Variants in SINHCAF observed in about 807,000 individuals in gnomAD.
The protein encoded by SINHCAF is SIN3-HDAC complex-associated factor.
A neutral mutation model predicts 25.8 loss-of-function variants in SINHCAF; 3 were observed. That is an observed-to-expected ratio of 0.12 (90% CI 0.05 to 0.30). The LOEUF (loss-of-function observed/expected upper bound fraction) is 0.30, where lower values mean the gene tolerates loss of function less well. Among genes scored for constraint, SINHCAF ranks in the 10% least tolerant of loss-of-function variants. The pLI is 1.00. For synonymous variants in SINHCAF, 70 were observed against 85.5 expected (o/e 0.82, Z 1.00); for missense variants, 121 against 262.3 (o/e 0.46, Z 3.72).
At chr12:31,300,216 T>C (rs1938729168) in intron 1 of SINHCAF, among the ~76,000 whole-genome samples, 1 of 152,138 alleles carries the variant, frequency 6.6e-6, no homozygotes, top group South Asian at 2.1e-4. Flanking sequence ...TAGACAGAGG[T>C]TTTACAACTT....
intron 1 of SINHCAF, among the ~76,000 whole-genome samples, chr12:31,305,356 T>C (rs920975784): frequency 6.6e-5 from 10 of 152,210 alleles, no homozygotes; most frequent in African/African-American, 2.4e-4. Context: ...TTTCATGAGC[T>C]GGTGAACAAG....
At position 31,282,268 on chromosome 12, in the gene SINHCAF, A is replaced by T. The variant is rs1937835575; in HGVS notation, c.*444T>A. 6.5e-6 allele frequency: 1 copy of T among 152,988 alleles called. No individual in the cohort carries two copies. The highest frequency in any genetic ancestry group is 2.4e-5 in the African/African-American group (1 of 41,410). 9.5% of individuals were successfully genotyped at this position (152,988 alleles called of 1,614,324 possible). A position where few individuals can be genotyped will look rare whatever the true frequency, so the allele number is the denominator to read the frequency against. On this transcript the variant is annotated 3_prime_UTR_variant, in exon 6 of 6. Coordinates refer to ENST00000337682, the MANE Select transcript of SINHCAF (RefSeq NM_001135812.2). ...TCAGCTTTCCTATGAAATACTCAGC[A>T]TCTTAAATATTATATACAACTCTTT...
At chr12:31,297,467 ATTTTT>A (rs777087270) in intron 2 of SINHCAF, among the ~76,000 whole-genome samples, 1,253 of 103,390 alleles carry the variant, frequency 0.012, 10 homozygotes, top group East Asian at 0.041. Flanking sequence ...GTCAAGCGTA[ATTTTT>A]TTTTTTTTTT....
intron 1 of SINHCAF, among the ~76,000 whole-genome samples, chr12:31,312,368 G>C (rs1939307038): frequency 6.8e-6 from 1 of 147,620 alleles, no homozygotes; most frequent in Admixed American, 6.7e-5. Flanking sequence ...GTGTGTGTGT[G>C]TGTGTGAGTG....
chr12:31,306,034 A>G (rs1279052946), intron 1 of SINHCAF, among the ~76,000 whole-genome samples: 1 of 152,226 alleles, frequency 6.6e-6, no homozygotes, highest in East Asian at 1.9e-4. Context: ...CTGGGCAGTA[A>G]AATAAGTTCC....
chr12:31,324,470 G>T lies in SINHCAF; in HGVS notation c.-21+1554C>A. On this transcript the variant is annotated intron_variant, in intron 1 of 5. Transcript: ENST00000337682. The surrounding 1 kb of genome is among the most constrained non-coding windows in gnomAD (Gnocchi z 5.5). Reference sequence around the variant, plus strand: ...CACGCCCGGAGCGGGGAAGCACGCCGCCTCCCTACGCACCAGCATGGCACC... The same window carrying T: ...CACGCCCGGAGCGGGGAAGCACGCCTCCTCCCTACGCACCAGCATGGCACC... The T allele has an allele frequency of 6.2e-6, 1 of 160,102 alleles. No individual in the cohort carries two copies. Among genetic ancestry groups the T allele is most frequent in the Non-Finnish European group, 1.4e-5 (1 of 73,990 alleles). 9.9% of individuals were successfully genotyped at this position (160,102 alleles called of 1,614,324 possible).
chr12:31,323,965 C>T (rs1449612982), intron 1 of SINHCAF: 1 of 455,990 alleles, frequency 2.2e-6, no homozygotes, highest in East Asian at 7.0e-5. Context: ...CGTGCTTCCC[C>T]CTCGGGCACT....
rs549782963 is a variant in SINHCAF at position 31,324,090 on chromosome 12, G to GGGGCGA, written c.-21+1928_-21+1933dup. On this transcript the variant is annotated intron_variant, in intron 1 of 5. Coordinates refer to ENST00000337682, the MANE Select transcript of SINHCAF (RefSeq NM_001135812.2). The surrounding 1 kb of genome is among the most constrained non-coding windows in gnomAD (Gnocchi z 5.5). Reference sequence around the variant, plus strand: ...AAAGTTCCTGCGGGGGCCGCTCGCCGGGGCGAGGGCGAGGGCAGCGGGAGG... The same window carrying GGGGCGA: ...AAAGTTCCTGCGGGGGCCGCTCGCCGGGGCGAGGGCGAGGGCGAGGGCAGCGGGAGG... 4.5e-4 allele frequency: 204 copies of GGGGCGA among 453,864 alleles called. No homozygotes were observed. The highest frequency in any genetic ancestry group is 6.1e-4 in the Non-Finnish European group (138 of 226,704). 28.1% of individuals were successfully genotyped at this position (453,864 alleles called of 1,614,324 possible).
chr12:31,287,759 T>G lies in SINHCAF; in HGVS notation c.381A>C (p.Ser127=). The G allele has an allele frequency of 6.2e-7, 1 of 1,607,488 alleles. No homozygotes were observed. The highest frequency in any genetic ancestry group is 8.5e-7 in the Non-Finnish European group (1 of 1,176,068). Reference sequence around the variant, plus strand: ...AAGGAGATTGAGCTGGGGAGGCACTTGAGGTGGTACTGTGAGCATCAGAAT... The same window carrying G: ...AAGGAGATTGAGCTGGGGAGGCACTGGAGGTGGTACTGTGAGCATCAGAAT... ...RHNSDAHSTT[S]SASPAQSPCY... The change falls in exon 5 of 6, where the codon TCA becomes TCC. Residue 127 remains serine (S), a synonymous_variant. Coordinates refer to ENST00000337682, the MANE Select transcript of SINHCAF (RefSeq NM_001135812.2).
rs1939931767 is a variant in SINHCAF, at chr12:31,325,454, G to A, written c.-21+570C>T. The stretch of plus-strand genomic sequence containing the variant: ...CCGATTTAAAGACCCTCGGCCGCCA[G>A]CTCGGAAGCGGATGGCAACTTAGTT... On this transcript the variant is annotated intron_variant, in intron 1 of 5. Transcript: ENST00000337682. This position sits in a 1 kb window ranked among gnomAD's most constrained non-coding sequence, Gnocchi z 5.9. 1 of 347,126 alleles carries A rather than the reference G, an allele frequency of 2.9e-6. No homozygotes were observed. The allele number at this position is 347,126 out of a possible 1,614,324, so 21.5% of individuals were successfully genotyped here.
At chr12:31,315,618 G>A (rs78381529) in intron 1 of SINHCAF, among the ~76,000 whole-genome samples, 1,752 of 152,282 alleles carry the variant, frequency 0.012, 17 homozygotes, top group East Asian at 0.037. Flanking sequence ...ATGGGAGTTT[G>A]TAACGCTTAT....
At chr12:31,311,691 A>T in intron 1 of SINHCAF, 1 of 488,658 alleles carries the variant, frequency 2.0e-6, no homozygotes, top group South Asian at 1.8e-5. Flanking sequence ...TGAAGTATGC[A>T]AGCATTGAGA....
intron 1 of SINHCAF, among the ~76,000 whole-genome samples, chr12:31,299,639 C>T (rs1048047418): frequency 2.6e-5 from 4 of 152,276 alleles, no homozygotes; most frequent in South Asian, 2.1e-4. Context: ...ATATCACTTT[C>T]GTGTCCATAG....
At chr12:31,320,655 A>G (rs958106459) in intron 1 of SINHCAF, among the ~76,000 whole-genome samples, 1 of 152,244 alleles carries the variant, frequency 6.6e-6, no homozygotes, top group Admixed American at 6.5e-5. Context: ...TGAATTTTAA[A>G]AACTAATGTT....
intron 4 of SINHCAF, among the ~76,000 whole-genome samples, chr12:31,290,528 T>TAA (rs763709184): frequency 5.9e-5 from 9 of 152,182 alleles, no homozygotes; most frequent in Non-Finnish European, 1.2e-4. Flanking sequence ...ATTTTTAATA[T>TAA]GTTAACTTAG....
intron 1 of SINHCAF, among the ~76,000 whole-genome samples, chr12:31,311,322 C>T (rs922510255): frequency 6.6e-6 from 1 of 152,168 alleles, no homozygotes; most frequent in African/African-American, 2.4e-5. Context: ...CTAGCTATTC[C>T]TTAGCTTAAG....
chr12:31,323,482 T>C (rs148395423), intron 1 of SINHCAF, among the ~76,000 whole-genome samples: 2 of 152,284 alleles, frequency 1.3e-5, no homozygotes, highest in East Asian at 1.9e-4. Flanking sequence ...GGAGAAAGAA[T>C]TGCTGGGGTA....
chr12:31,321,627 T>C (rs545777876), intron 1 of SINHCAF, among the ~76,000 whole-genome samples: 1 of 152,332 alleles, frequency 6.6e-6, no homozygotes, highest in Admixed American at 6.5e-5. Context: ...AAAGTGACTA[T>C]AAGATGATGA....
At chr12:31,283,760 T>TC (rs1937911482) in intron 5 of SINHCAF, among the ~76,000 whole-genome samples, 1 of 151,716 alleles carries the variant, frequency 6.6e-6, no homozygotes, top group Non-Finnish European at 1.5e-5. Flanking sequence ...TCTCATCCTC[T>TC]CCCCACTTAA....
Sources: allele counts gnomAD v4.1 joint callset (sites outside exome capture counted in the v4.1 genomes callset), GRCh38; gene constraint gnomAD v4.1.1; non-coding constraint Gnocchi (gnomAD v3.1); transcripts MANE v1.5; gene names NCBI Gene and HGNC (gene_info 2026-07-23, HGNC 2026-07-21).